Variants in GATAD2A observed in about 807,000 individuals in gnomAD.
GATAD2A encodes GATA zinc finger domain containing 2A.
GATAD2A carries 12 observed loss-of-function variants against 68.5 expected under a neutral mutation model. That is an observed-to-expected ratio of 0.18 (90% CI 0.11 to 0.28). GATAD2A has a LOEUF of 0.28. GATAD2A is among the 10% of genes least tolerant of loss of function. GATAD2A has a pLI of 1.00. For missense variants in GATAD2A, 755 were observed against 868.5 expected, an observed-to-expected ratio of 0.87 and a Z score of 1.64; for synonymous variants, 410 against 375.3, an observed-to-expected ratio of 1.09 and a Z score of -1.07.
chr19:19,451,788 T>C (rs2056413302), intron 1 of GATAD2A, among the ~76,000 whole-genome samples: 1 of 152,244 alleles, frequency 6.6e-6, no homozygotes, highest in Non-Finnish European at 1.5e-5. Context: ...GTGTGGACGC[T>C]GATTGCTCTT....
chr19:19,505,061 A>G (rs895132088), intron 11 of GATAD2A, among the ~76,000 whole-genome samples: 2 of 152,184 alleles, frequency 1.3e-5, no homozygotes, highest in African/African-American at 4.8e-5. Context: ...TCATTTCTGT[A>G]GAACGTAGGT....
At chr19:19,391,752 G>A (rs1304478280) in intron 1 of GATAD2A, among the ~76,000 whole-genome samples, 1 of 152,158 alleles carries the variant, frequency 6.6e-6, no homozygotes, top group Non-Finnish European at 1.5e-5. Flanking sequence ...TGGTGGGCAG[G>A]TCTAAAAGGC....
intron 1 of GATAD2A, among the ~76,000 whole-genome samples, chr19:19,399,175 G>C (rs2049509534): frequency 6.6e-6 from 1 of 152,106 alleles, no homozygotes; most frequent in Non-Finnish European, 1.5e-5. Context: ...AGTGAGCCGA[G>C]ATCATGCCAC....
intron 1 of GATAD2A, among the ~76,000 whole-genome samples, chr19:19,386,342 C>T (rs1034388420): frequency 1.3e-4 from 20 of 151,900 alleles, no homozygotes; most frequent in African/African-American, 3.4e-4. Context: ...TCTTAGGGAC[C>T]CTCGCCTCTC....
intron 1 of GATAD2A, among the ~76,000 whole-genome samples, chr19:19,407,444 C>T (rs140464374): frequency 7.2e-5 from 11 of 152,278 alleles, no homozygotes; most frequent in Admixed American, 1.3e-4. Flanking sequence ...ATTATCTGCG[C>T]TTTACAGGTC....
At chr19:19,491,300 C>T (rs977436871) in intron 2 of GATAD2A, among the ~76,000 whole-genome samples, 5 of 152,300 alleles carry the variant, frequency 3.3e-5, no homozygotes, top group Middle Eastern at 3.4e-3. Flanking sequence ...AGTACTTCCC[C>T]GATTGTCCCC....
intron 1 of GATAD2A, among the ~76,000 whole-genome samples, chr19:19,398,205 A>G (rs979940282): frequency 7.0e-6 from 1 of 142,270 alleles, no homozygotes; most frequent in Non-Finnish European, 1.5e-5. Flanking sequence ...TAACCGCCTT[A>G]TTTATTTATT....
chr19:19,390,215 A>G (rs924634760), intron 1 of GATAD2A, among the ~76,000 whole-genome samples: 1 of 152,134 alleles, frequency 6.6e-6, no homozygotes, highest in African/African-American at 2.4e-5. Flanking sequence ...TTGGCATGTT[A>G]TTAAATATTC....
chr19:19,408,845 T>G (rs1001759000), intron 1 of GATAD2A, among the ~76,000 whole-genome samples: 6 of 152,090 alleles, frequency 3.9e-5, no homozygotes, highest in Non-Finnish European at 8.8e-5. Context: ...AGGACCTTTC[T>G]CCTACTGGGG....
chr19:19,485,907 A>AC (rs1301184050), intron 2 of GATAD2A, among the ~76,000 whole-genome samples: 1 of 152,216 alleles, frequency 6.6e-6, no homozygotes, highest in Non-Finnish European at 1.5e-5. Context: ...GCACGATGAC[A>AC]CACAATTCAG....
chr19:19,494,029 G>A (rs1256237895), intron 4 of GATAD2A, among the ~76,000 whole-genome samples: 2 of 152,170 alleles, frequency 1.3e-5, no homozygotes, highest in Non-Finnish European at 2.9e-5. Context: ...AGGATACTGC[G>A]TGGGTGTCAG....
Position 19,498,579 on chromosome 19 carries a change from A to T in GATAD2A, c.1061A>T (p.Lys354Ile). 6.2e-7 allele frequency: 1 copy of T among 1,613,928 alleles called. No individual in the cohort carries two copies. Among genetic ancestry groups the T allele is most frequent in the Non-Finnish European group, 8.5e-7 (1 of 1,180,020 alleles). The change falls in exon 8 of 12, where the codon AAA becomes ATA. Residue 354 changes from lysine to isoleucine, a missense_variant. Physicochemically the swap from Lys to Ile is moderately radical, Grantham distance 102. Transcript: ENST00000683918. The part of the protein sequence containing the change: ...RQAAAKLALR[K>I]QLEKTLLEIP... ...GCGGCCGCCAAGCTGGCGCTGCGCA[A>T]ACAGCTGGAGAAGACGCTACTCGAG...
At chr19:19,428,033 C>G (rs1364859604) in intron 1 of GATAD2A, 1 of 152,138 alleles carries the variant, frequency 6.6e-6, no homozygotes, top group African/African-American at 2.4e-5. Context: ...AGTGAGTTTC[C>G]TTTAATACAG....
rs149731186 is a variant in GATAD2A, at chr19:19,499,503, G to A, written c.1204+781G>A. Among the ~76,000 whole-genome samples the A allele has an allele frequency of 3.5e-3, 529 of 151,934 alleles. 5 individuals carry two copies. Among genetic ancestry groups the A allele is most frequent in the African/African-American group, 0.013 (519 of 41,406 alleles). On this transcript the variant is annotated intron_variant, in intron 8 of 11. Transcript: ENST00000683918. ...TTCCCAGCACAGACTTGGGAGCAGC[G>A]GGGTGGGTGTGTGCAGAGAAGCACC...
intron 1 of GATAD2A, among the ~76,000 whole-genome samples, chr19:19,390,604 G>A (rs1321159438): frequency 6.6e-6 from 1 of 152,076 alleles, no homozygotes; most frequent in Non-Finnish European, 1.5e-5. Flanking sequence ...TGTAAAATGG[G>A]GTAATTTGTG....
At chr19:19,494,086 A>T (rs1341825206) in intron 4 of GATAD2A, among the ~76,000 whole-genome samples, 2 of 152,138 alleles carry the variant, frequency 1.3e-5, no homozygotes, top group African/African-American at 4.8e-5. Context: ...GGGCTGCTGG[A>T]AAATCTCTTC....
At chr19:19,480,052 C>G (rs139748707) in intron 2 of GATAD2A, among the ~76,000 whole-genome samples, 5 of 151,956 alleles carry the variant, frequency 3.3e-5, no homozygotes, top group African/African-American at 1.2e-4. Flanking sequence ...TGTGATCCAC[C>G]CGCCTCGGCT....
At chr19:19,457,013 C>A in intron 1 of GATAD2A, 2 of 754,532 alleles carry the variant, frequency 2.7e-6, no homozygotes, top group Non-Finnish European at 3.2e-6. Flanking sequence ...AAAGGAGCAA[C>A]AGATTTGGAT....
At chr19:19,399,438 G>T (rs1339273490) in intron 1 of GATAD2A, among the ~76,000 whole-genome samples, 1 of 152,014 alleles carries the variant, frequency 6.6e-6, no homozygotes, top group African/African-American at 2.4e-5. Context: ...TGATCTGCCC[G>T]CCTGGGTCTC....
Sources: gnomAD v4.1 joint callset for allele counts (sites outside exome capture counted in the v4.1 genomes callset) on GRCh38, gnomAD v4.1.1 for gene constraint, MANE v1.5 for transcripts, NCBI Gene and HGNC (gene_info 2026-07-23, HGNC 2026-07-21) for gene names.